The following CDKN2B-AS1 variants were observed in gnomAD, a reference collection of about 807,000 sequenced individuals.
CDKN2B-AS1 encodes the protein CDKN2B and CDKN2A antisense cis and trans regulatory RNA 1.
chr9:22,011,991 A>G (rs1333867000), intron 1 of CDKN2B-AS1, among the ~76,000 whole-genome samples: 1 of 152,240 alleles, frequency 6.6e-6, no homozygotes, highest in Non-Finnish European at 1.5e-5. Context: ...GTAGAAGGGA[A>G]TGAGTGGCAT....
chr9:22,070,753 C>A (rs1425893439), intron 4 of CDKN2B-AS1, among the ~76,000 whole-genome samples: 3 of 152,058 alleles, frequency 2.0e-5, no homozygotes, highest in Admixed American at 6.6e-5. Context: ...TGGTGCACAG[C>A]AAGATATTAA....
rs535030752 is a variant in CDKN2B-AS1, at chr9:22,126,612, C to T, written n.439-491C>T. On this transcript the variant is annotated intron_variant and non_coding_transcript_variant, in intron 4 of 4. Coordinates refer to ENST00000650946, the Ensembl canonical transcript of CDKN2B-AS1. ...TTTTTTTTTGAGACGGAGTCTCGCT[C>T]GCCCAGGCCGACTGCAGTGGCGCTA... Among the ~76,000 whole-genome samples the T allele has an allele frequency of 7.7e-3, 994 of 129,732 alleles. 17 individuals carry two copies. Among genetic ancestry groups the T allele is most frequent in the African/African-American group, 0.028 (912 of 32,840 alleles). The allele number at this position is 129,732 out of a possible 152,430, so 85.1% of individuals were successfully genotyped here.
intron 4 of CDKN2B-AS1, among the ~76,000 whole-genome samples, chr9:22,111,650 AT>A (rs986509446): frequency 1.7e-4 from 26 of 152,014 alleles, no homozygotes; most frequent in African/African-American, 5.6e-4. Context: ...AGTGAAATAG[AT>A]TTTTTTTCTC....
At chr9:22,115,400 A>G (rs1825921699) in intron 4 of CDKN2B-AS1, among the ~76,000 whole-genome samples, 1 of 152,182 alleles carries the variant, frequency 6.6e-6, no homozygotes, top group South Asian at 2.1e-4. Context: ...GCGATATATG[A>G]TCACTCCAGG....
intron 4 of CDKN2B-AS1, among the ~76,000 whole-genome samples, chr9:22,098,143 TTC>T (rs2131351442): frequency 6.8e-6 from 1 of 146,608 alleles, no homozygotes; most frequent in East Asian, 2.0e-4. Flanking sequence ...TGGAATATCT[TTC>T]TCTCTCTGTC....
At chr9:22,023,893 C>T (rs989236234) in intron 1 of CDKN2B-AS1, among the ~76,000 whole-genome samples, 1 of 152,192 alleles carries the variant, frequency 6.6e-6, no homozygotes, top group Non-Finnish European at 1.5e-5. Flanking sequence ...TCCTATAACT[C>T]TGCGAACTTC....
intron 4 of CDKN2B-AS1, chr9:22,112,053 A>T (rs1045256080): frequency 4.6e-5 from 7 of 152,204 alleles, no homozygotes; most frequent in African/African-American, 9.6e-5. Context: ...TTTCAAAGGA[A>T]AACAAAGTAA....
exon 5 of CDKN2B-AS1, among the ~76,000 whole-genome samples, chr9:22,127,641 C>T (rs1053746782): frequency 6.6e-6 from 1 of 151,766 alleles, no homozygotes; most frequent in East Asian, 1.9e-4. Context: ...GATCTCTGGG[C>T]GGGGTAAAAG....
intron 1 of CDKN2B-AS1, among the ~76,000 whole-genome samples, chr9:22,011,713 C>T (rs1434755229): frequency 6.6e-6 from 1 of 152,214 alleles, no homozygotes; most frequent in African/African-American, 2.4e-5. Flanking sequence ...TGACATTTCA[C>T]ATGTAATACA....
At chr9:22,034,321 A>T (rs1822597855) in intron 1 of CDKN2B-AS1, among the ~76,000 whole-genome samples, 1 of 152,146 alleles carries the variant, frequency 6.6e-6, no homozygotes, top group Non-Finnish European at 1.5e-5. Flanking sequence ...GGTGGTAGAA[A>T]TGAAAATGGA....
rs78387406 is a variant in CDKN2B-AS1, at chr9:22,017,687, C to G, written n.29+22526C>G. The stretch of plus-strand genomic sequence containing the variant: ...CATTTACCAGAAATTTTTATATGAA[C>G]AACATATTGAAGTTATTAAGTTAAT... On this transcript the variant is annotated intron_variant and non_coding_transcript_variant, in intron 1 of 4. Transcript: ENST00000650946. Among the ~76,000 whole-genome samples, 299 of 152,232 alleles carry G rather than the reference C, an allele frequency of 2.0e-3. 5 individuals are homozygous for G. The East Asian group carries it at 0.052, about 26-fold the overall frequency.
In CDKN2B-AS1 at chr9:22,096,056, A is replaced by G. The variant is rs10757274; in HGVS notation, n.439-31047A>G. Among the ~76,000 whole-genome samples, 63,029 of 151,878 alleles carry G rather than the reference A, an allele frequency of 0.41. 14,245 individuals carry two copies. The highest frequency in any genetic ancestry group is 0.64 in the Middle Eastern group (187 of 294). On this transcript the variant is annotated intron_variant and non_coding_transcript_variant, in intron 4 of 4. Transcript: ENST00000650946. ...TGGGTCAAATCTAAGCTGAGTGTTGAGACATAATTGAAATTCACTAGATAG... is the reference window on the plus strand; with the variant it reads ...TGGGTCAAATCTAAGCTGAGTGTTGGGACATAATTGAAATTCACTAGATAG...
intron 1 of CDKN2B-AS1, among the ~76,000 whole-genome samples, chr9:22,027,376 G>A (rs1483035476): frequency 6.6e-6 from 1 of 152,054 alleles, no homozygotes; most frequent in Non-Finnish European, 1.5e-5. Context: ...TTCAAATGCA[G>A]AAGAATCTAT....
At chr9:22,015,268 C>A (rs897916123) in intron 1 of CDKN2B-AS1, among the ~76,000 whole-genome samples, 1 of 152,122 alleles carries the variant, frequency 6.6e-6, no homozygotes, top group Non-Finnish European at 1.5e-5. Flanking sequence ...CTCTCCAGCA[C>A]CTGTTTTTTC....
In CDKN2B-AS1 at chr9:22,001,884, ATCTT is replaced by A. The variant is rs1563909975; in HGVS notation, n.29+6724_29+6727del. On this transcript the variant is annotated intron_variant and non_coding_transcript_variant, in intron 1 of 4. Coordinates refer to ENST00000650946, the Ensembl canonical transcript of CDKN2B-AS1. The surrounding 1 kb of genome is among the most constrained non-coding windows in gnomAD (Gnocchi z 4.2). ...ACCAATGTGGGAATCTAGGTCTTCT[ATCTT>A]CCAGTCAAGTCCTTGTTTCACTTTT... Among the ~76,000 whole-genome samples, 1 of 152,122 alleles carries A rather than the reference ATCTT, an allele frequency of 6.6e-6. No homozygotes were observed. The highest frequency in any genetic ancestry group is 2.4e-5 in the African/African-American group (1 of 41,448).
intron 1 of CDKN2B-AS1, among the ~76,000 whole-genome samples, chr9:22,011,135 C>T (rs1393740935): frequency 2.6e-5 from 4 of 152,164 alleles, no homozygotes; most frequent in African/African-American, 9.7e-5. Context: ...TATACTCAGG[C>T]CTGGGTGGTC....
intron 1 of CDKN2B-AS1, among the ~76,000 whole-genome samples, chr9:22,016,173 G>T (rs961529355): frequency 6.6e-6 from 1 of 152,130 alleles, no homozygotes; most frequent in Non-Finnish European, 1.5e-5. Flanking sequence ...CCTTGCCCAT[G>T]CCTATGTCCT....
chr9:22,023,259 C>G (rs1194803393), intron 1 of CDKN2B-AS1, among the ~76,000 whole-genome samples: 1 of 152,014 alleles, frequency 6.6e-6, no homozygotes, highest in Admixed American at 6.6e-5. Context: ...TTCAGGTAAA[C>G]CAATGAATTG....
chr9:22,040,697 G>C (rs920921718), intron 1 of CDKN2B-AS1, among the ~76,000 whole-genome samples: 1 of 152,036 alleles, frequency 6.6e-6, no homozygotes, highest in African/African-American at 2.4e-5. Flanking sequence ...CTGTGTGTGT[G>C]CACGAATGCC....
Sources: gnomAD v4.1 joint callset for allele counts (sites outside exome capture counted in the v4.1 genomes callset) on GRCh38, gnomAD v4.1.1 for gene constraint, Gnocchi (gnomAD v3.1) non-coding constraint, MANE v1.5 for transcripts, NCBI Gene and HGNC (gene_info 2026-07-23, HGNC 2026-07-21) for gene names.